The following TSPAN7 variants were observed in gnomAD, a reference collection of about 807,000 sequenced individuals.
TSPAN7 encodes tetraspanin-7.
A neutral mutation model predicts 17.6 loss-of-function variants in TSPAN7; 1 was observed. The observed-to-expected ratio is 0.06, with a 90% CI of 0.02 to 0.27. TSPAN7 has a LOEUF of 0.27. Among genes scored for constraint, TSPAN7 ranks in the 10% least tolerant of loss-of-function variants. The probability of loss-of-function intolerance (pLI) is 1.00; values close to 1 mark genes in which losing one functional copy is unlikely to be tolerated. For missense variants in TSPAN7, 112 were observed against 201.7 expected (o/e 0.56, Z 2.69); for synonymous variants, 78 against 79.0 (o/e 0.99, Z 0.07).
chrX:38,619,571 G>A (rs1182034073), intron 1 of TSPAN7, among the ~76,000 whole-genome samples: 2 of 111,599 alleles, frequency 1.8e-5, no homozygotes, highest in South Asian at 3.8e-4. Context: ...GTAGGAGCTT[G>A]TTTAGCAGGC....
In TSPAN7 at chrX:38,609,718, A is replaced by G. The variant is rs939025178; in HGVS notation, c.81+48091A>G. On this transcript the variant is annotated intron_variant, in intron 1 of 7. Transcript: ENST00000378482. ...CTACAAGGCTACAGAGAACTCTTTG[A>G]AAAAATACTCCTTTATCTTCTAGGT... Among the ~76,000 whole-genome samples, 6 of 109,299 alleles carry G rather than the reference A, an allele frequency of 5.5e-5. No homozygotes were observed. The Admixed American group carries it at 5.9e-4, about 11-fold the overall frequency. 94.9% of individuals were successfully genotyped at this position (109,299 alleles called of 115,157 possible). A position where few individuals can be genotyped will look rare whatever the true frequency, so the allele number is the denominator to read the frequency against.
At chrX:38,624,270 A>G (rs1267703259) in intron 1 of TSPAN7, among the ~76,000 whole-genome samples, 2 of 111,288 alleles carry the variant, frequency 1.8e-5, no homozygotes, top group Non-Finnish European at 3.8e-5. Context: ...AGCCATCAAA[A>G]TGTTGTTATT....
intron 3 of TSPAN7, among the ~76,000 whole-genome samples, chrX:38,673,132 A>G (rs2069831713): frequency 9.0e-6 from 1 of 111,516 alleles, no homozygotes. Flanking sequence ...TTAGCAAAGA[A>G]TATGCCTAGT....
At position 38,615,966 on chromosome X, in the gene TSPAN7, C is replaced by T. The variant is rs372879202; in HGVS notation, c.82-50155C>T. Among the ~76,000 whole-genome samples, 5 of 111,822 alleles carry T rather than the reference C, an allele frequency of 4.5e-5. No individual in the cohort carries two copies. In the East Asian group the frequency reaches 1.4e-3, roughly 32 times the overall value. ...TTCAGAGTCAGATCTAGGTTTCAAT[C>T]CTGTCTCTACCTTGCATTCTTGGAA... On this transcript the variant is annotated intron_variant, in intron 1 of 7. Coordinates refer to ENST00000378482, the MANE Select transcript of TSPAN7 (RefSeq NM_004615.4).
intron 1 of TSPAN7, among the ~76,000 whole-genome samples, chrX:38,659,584 A>ACAGCT (rs1311132299): frequency 2.8e-4 from 31 of 110,804 alleles, no homozygotes; most frequent in Admixed American, 1.9e-3. Flanking sequence ...CCAAAGTCAC[A>ACAGCT]CAGCTCATTA....
chrX:38,581,196 C>T (rs926722871), intron 1 of TSPAN7, among the ~76,000 whole-genome samples: 1 of 112,468 alleles, frequency 8.9e-6, no homozygotes, highest in African/African-American at 3.2e-5. Flanking sequence ...AGTGCTCTTG[C>T]GAGCAACTTA....
intron 1 of TSPAN7, among the ~76,000 whole-genome samples, chrX:38,635,875 C>T (rs2069577571): frequency 9.0e-6 from 1 of 111,316 alleles, no homozygotes. Context: ...TATGTGGGCC[C>T]TTCCAGTTGA....
chrX:38,620,983 G>A (rs2069485118), intron 1 of TSPAN7, among the ~76,000 whole-genome samples: 1 of 111,992 alleles, frequency 8.9e-6, no homozygotes, highest in Non-Finnish European at 1.9e-5. Context: ...GGTGCTTTCC[G>A]TTCTGAATAG....
chrX:38,680,539 TTCTCTCTCTCTCTC>T (rs61619425), intron 5 of TSPAN7, among the ~76,000 whole-genome samples: 276 of 75,606 alleles, frequency 3.7e-3, no homozygotes, highest in Admixed American at 0.011. Flanking sequence ...TACTTACAAA[TTCTCTCTCTCTCTC>T]TCTCTCTCTC....
intron 2 of TSPAN7, among the ~76,000 whole-genome samples, chrX:38,669,390 C>T (rs2069805581): frequency 9.0e-6 from 1 of 111,653 alleles, no homozygotes; most frequent in Admixed American, 9.5e-5. Context: ...TTAGATAACC[C>T]ACCCAAATTC....
At chrX:38,575,532 C>T (rs764426985) in intron 1 of TSPAN7, among the ~76,000 whole-genome samples, 84 of 111,475 alleles carry the variant, frequency 7.5e-4, no homozygotes, top group African/African-American at 2.6e-3. Context: ...TAGATTTAAA[C>T]GATCCTGATA....
chrX:38,641,154 A>G (rs779079051), intron 1 of TSPAN7, among the ~76,000 whole-genome samples: 2 of 111,944 alleles, frequency 1.8e-5, no homozygotes, highest in Non-Finnish European at 3.8e-5. Context: ...TCCCAGTGGG[A>G]GATCTCAAGT....
rs149829889 is a variant in TSPAN7, at chrX:38,631,309, C to T, written c.82-34812C>T. ...GTGCCCCATCAATTTGCATAGACAC[C>T]ATTTGAATAAACATGGCCTCTGCCA... On this transcript the variant is annotated intron_variant, in intron 1 of 7. Coordinates refer to ENST00000378482, the MANE Select transcript of TSPAN7 (RefSeq NM_004615.4). 6.4e-5 allele frequency among the ~76,000 whole-genome samples: 7 copies of T among 110,091 alleles called. 1 individual carries two copies. In the East Asian group the frequency reaches 2.0e-3, roughly 31 times the overall value.
chrX:38,635,972 G>A (rs1237504701), intron 1 of TSPAN7, among the ~76,000 whole-genome samples: 3 of 111,325 alleles, frequency 2.7e-5, no homozygotes, highest in African/African-American at 9.8e-5. Flanking sequence ...TCCCATTTCT[G>A]GCAAAGGATT....
chrX:38,650,474 G>A (rs2069669936), intron 1 of TSPAN7, among the ~76,000 whole-genome samples: 1 of 95,971 alleles, frequency 1.0e-5, no homozygotes, highest in Non-Finnish European at 2.2e-5. Flanking sequence ...GCCCTTGGCT[G>A]TGAGTGAAGA....
At chrX:38,582,737 A>C (rs775298967) in intron 1 of TSPAN7, among the ~76,000 whole-genome samples, 5 of 112,496 alleles carry the variant, frequency 4.4e-5, no homozygotes, top group African/African-American at 1.3e-4. Flanking sequence ...CTTTTGTGTG[A>C]AAAGTAACCC....
rs2147461336 is a variant in TSPAN7 at position 38,687,608 on chromosome X, A to G, written c.691A>G (p.Met231Val). ...FGIAFSQLIG[M>V]LLACCLSRFI... ...TTCTCCCTGGCAACAGTTAATTGGC[A>G]TGCTGCTGGCCTGCTGTCTGTCCCG... The change falls in exon 7 of 8, where the codon ATG becomes GTG. Residue 231 changes from methionine (M) to valine (V), a missense_variant. By Grantham distance (21) the Met-to-Val change is conservative (BLOSUM62 1). Coordinates refer to ENST00000378482, the MANE Select transcript of TSPAN7 (RefSeq NM_004615.4). The G allele has an allele frequency of 8.3e-7, 1 of 1,211,223 alleles. No homozygotes were observed. Among genetic ancestry groups the G allele is most frequent in the Non-Finnish European group, 1.1e-6 (1 of 895,259 alleles).
chrX:38,578,982 A>T (rs1282519735), intron 1 of TSPAN7, among the ~76,000 whole-genome samples: 1 of 111,544 alleles, frequency 9.0e-6, no homozygotes, highest in African/African-American at 3.3e-5. Context: ...AAAACAATGC[A>T]TGTAACAAAT....
chrX:38,616,086 T>A (rs936943411), intron 1 of TSPAN7, among the ~76,000 whole-genome samples: 2 of 112,279 alleles, frequency 1.8e-5, no homozygotes, highest in Admixed American at 1.9e-4. Flanking sequence ...AGAATGTACA[T>A]CAGAGGCCTA....
Sources: allele counts gnomAD v4.1 joint callset (sites outside exome capture counted in the v4.1 genomes callset), GRCh38; gene constraint gnomAD v4.1.1; transcripts MANE v1.5; gene names NCBI Gene and HGNC (gene_info 2026-07-23, HGNC 2026-07-21).